TNRC6C: variants seen among roughly 807,000 people sequenced by gnomAD.
The protein encoded by TNRC6C is trinucleotide repeat-containing gene 6C protein.
In TNRC6C, 20 loss-of-function variants were observed where a neutral mutation model predicts 153.7. The observed-to-expected ratio is 0.13, with a 90% CI of 0.09 to 0.19. The LOEUF is 0.19. Ranked by LOEUF, TNRC6C falls within the 10% of genes least tolerant of loss-of-function variation. The pLI, the probability that TNRC6C is intolerant of heterozygous loss-of-function variation, is 1.00. For missense variants in TNRC6C, 1,987 were observed against 2,172.0 expected, an observed-to-expected ratio of 0.91 and a Z score of 1.69; for synonymous variants, 811 against 841.4, an observed-to-expected ratio of 0.96 and a Z score of 0.63.
At chr17:78,071,263 C>G in intron 6 of TNRC6C, 98 bp downstream of exon 8, 2 of 1,213,492 alleles carry the variant, frequency 1.6e-6, no homozygotes, top group Non-Finnish European at 2.4e-6. Flanking sequence ...TCAGAAGACA[C>G]CAAGATTGTT....
At chr17:77,958,406 G>A (rs1333003059), upstream of TNRC6C, among the ~76,000 whole-genome samples, 1 of 151,998 alleles carries the variant, frequency 6.6e-6, no homozygotes, top group Non-Finnish European at 1.5e-5. Context: ...CACTCGGAGC[G>A]CGCACCGCTC....
chr17:78,053,978 T>A (rs74255301), intron 3 of TNRC6C, among the ~76,000 whole-genome samples: 14,722 of 152,276 alleles, frequency 0.097, 787 homozygotes, highest in East Asian at 0.18. Flanking sequence ...AGCATTGTGT[T>A]AACATTATAA....
rs1444512571 is a variant in TNRC6C, at chr17:78,079,628, T to G, written c.3357+87T>G. ...CCTGTGTTATCTGGAAGTCACTATT[T>G]TAAAGTGAGAGCGGAGTTAATCCAT... On this transcript the variant is annotated intron_variant, in intron 10 of 19. Coordinates refer to ENST00000301624, the Ensembl canonical transcript of TNRC6C. The surrounding 1 kb of genome is among the most constrained non-coding windows in gnomAD (Gnocchi z 4.3). The G allele has an allele frequency of 1.3e-6, 2 of 1,508,576 alleles. No individual in the cohort carries two copies. Among genetic ancestry groups the G allele is most frequent in the Non-Finnish European group, 1.8e-6 (2 of 1,112,688 alleles). The allele number at this position is 1,508,576 out of a possible 1,614,324, so 93.4% of individuals were successfully genotyped here.
In TNRC6C at chr17:78,049,047, C is replaced by T; in HGVS notation, c.-16C>T. ...ACACTGACTCTGCCTCCAACTGTGG[C>T]TCAGAGAACAGTAGCATGGCTACAG... On this transcript the variant is annotated 5_prime_UTR_variant, in exon 3 of 20. Transcript: ENST00000301624. The surrounding 1 kb of genome is among the most constrained non-coding windows in gnomAD (Gnocchi z 4.1). 1 of 1,501,884 alleles carries T rather than the reference C, an allele frequency of 6.7e-7. No individual in the cohort carries two copies. Among genetic ancestry groups the T allele is most frequent in the Non-Finnish European group, 8.9e-7 (1 of 1,125,508 alleles). The allele number at this position is 1,501,884 out of a possible 1,614,324, so 93.0% of individuals were successfully genotyped here.
chr17:77,999,123 A>G (rs375227295), intron 1 of TNRC6C, among the ~76,000 whole-genome samples: 1 of 152,248 alleles, frequency 6.6e-6, no homozygotes, highest in Non-Finnish European at 1.5e-5. Flanking sequence ...GCATAACTCA[A>G]AGGTGAGCCC....
At chr17:78,077,645 G>C (rs67719449) in intron 9 of TNRC6C, 37,399 of 382,786 alleles carry the variant, frequency 0.098, 2,338 homozygotes, top group African/African-American at 0.18. Context: ...GCTGCCGGAT[G>C]CATCCAGAGG....
At chr17:77,958,455 A>G (rs1373674913), upstream of TNRC6C, among the ~76,000 whole-genome samples, 1 of 151,716 alleles carries the variant, frequency 6.6e-6, no homozygotes, top group Non-Finnish European at 1.5e-5. Context: ...AGGGAACCAC[A>G]GCGCGGGCGG....
At chr17:78,059,866 AAAAG>A (rs2072732190) in intron 3 of TNRC6C, among the ~76,000 whole-genome samples, 1 of 151,984 alleles carries the variant, frequency 6.6e-6, no homozygotes, top group African/African-American at 2.4e-5. Flanking sequence ...AAAAAAAAGA[AAAAG>A]AAAATATAGT....
At chr17:78,097,703 A>C in intron 16 of TNRC6C, 42 bp from the exon 19 acceptor site, 1 of 1,427,028 alleles carries the variant, frequency 7.0e-7, no homozygotes, top group Non-Finnish European at 9.5e-7. Flanking sequence ...ATGAACCCGG[A>C]CACCGCCACC....
chr17:78,000,429 T>G (rs1267295687), upstream of TNRC6C, among the ~76,000 whole-genome samples: 1 of 152,242 alleles, frequency 6.6e-6, no homozygotes, highest in Non-Finnish European at 1.5e-5. Flanking sequence ...TTGAATAAAT[T>G]AAGACCATAA....
intron 16 of TNRC6C, among the ~76,000 whole-genome samples, chr17:78,094,527 C>T (rs1567965064): frequency 6.6e-6 from 1 of 152,018 alleles, no homozygotes. Flanking sequence ...CAACCTCCGC[C>T]TCGCAGGCTC....
intron 4 of TNRC6C, chr17:78,066,875 T>G (rs2072890453): frequency 6.6e-6 from 1 of 152,184 alleles, no homozygotes; most frequent in African/African-American, 2.4e-5. Context: ...GTGGACAGGT[T>G]TGAGAAGCTC....
At chr17:78,090,476 C>T (rs978890784) in intron 13 of TNRC6C, among the ~76,000 whole-genome samples, 2 of 152,176 alleles carry the variant, frequency 1.3e-5, no homozygotes, top group African/African-American at 4.8e-5. Context: ...CGGTAAGGAC[C>T]TATGGGGTAT....
intron 3 of TNRC6C, among the ~76,000 whole-genome samples, chr17:78,054,853 T>C (rs1367844850): frequency 6.6e-6 from 1 of 152,164 alleles, no homozygotes; most frequent in East Asian, 1.9e-4. Context: ...TGCAGACTAC[T>C]GTACACTACC....
chr17:78,059,806 C>T (rs1194360504), intron 3 of TNRC6C, among the ~76,000 whole-genome samples: 1 of 148,094 alleles, frequency 6.8e-6, no homozygotes, highest in Non-Finnish European at 1.5e-5. Context: ...GCTGTGGTTG[C>T]ACCACCACAC....
rs770161013 is a variant in TNRC6C, at chr17:78,050,636, A to G, written c.1574A>G (p.Asp525Gly). The stretch of plus-strand genomic sequence containing the variant: ...GTGCCAGCAAACACAGGTTGGGGAG[A>G]CAGCAACAACAAAGCGCCAAGTGGC... Residue 525 changes from aspartate to glycine, a missense_variant, in exon 3 of 20, where the codon GAC becomes GGC. This residue lies in a region of TNRC6C where 1,052 missense variants were observed against 1,017.0 expected (regional missense o/e 1.03). Coordinates refer to ENST00000301624, the Ensembl canonical transcript of TNRC6C. 5.4e-5 allele frequency: 84 copies of G among 1,568,382 alleles called. No homozygotes were observed. Among genetic ancestry groups the G allele is most frequent in the Non-Finnish European group, 6.9e-5 (80 of 1,157,208 alleles).
At chr17:78,087,490 CT>C (rs1339569272) in intron 13 of TNRC6C, among the ~76,000 whole-genome samples, 1 of 151,868 alleles carries the variant, frequency 6.6e-6, no homozygotes, top group Non-Finnish European at 1.5e-5. Flanking sequence ...GCCAATAATA[CT>C]CTCAGTATAA....
At chr17:78,023,040 A>G (rs531264789) in intron 1 of TNRC6C, among the ~76,000 whole-genome samples, 63 of 152,254 alleles carry the variant, frequency 4.1e-4, no homozygotes, top group African/African-American at 1.5e-3. Context: ...TGTCCCAGCT[A>G]TTTGGGAGGC....
chr17:78,006,629 C>T (rs1423549941), intron 1 of TNRC6C, among the ~76,000 whole-genome samples: 1 of 144,846 alleles, frequency 6.9e-6, no homozygotes, highest in Non-Finnish European at 1.5e-5. Context: ...CTTTCTTCTT[C>T]TTCCTTCTTC....
Sources: allele counts gnomAD v4.1 joint callset (sites outside exome capture counted in the v4.1 genomes callset), GRCh38; gene constraint gnomAD v4.1.1; regional missense constraint gnomAD v4.1.1; non-coding constraint Gnocchi (gnomAD v3.1); transcripts MANE v1.5; gene names NCBI Gene and HGNC (gene_info 2026-07-23, HGNC 2026-07-21).